Variants in TUBA1C observed in about 807,000 individuals in gnomAD.
The protein encoded by TUBA1C is tubulin alpha-1C chain.
TUBA1C carries 16 observed loss-of-function variants against 34.9 expected under a neutral mutation model. That is an observed-to-expected ratio of 0.46 (90% confidence interval 0.31 to 0.70). The LOEUF is 0.70. Among genes scored for constraint, TUBA1C ranks in the 30% least tolerant of loss-of-function variants. The pLI is 0.05. For missense variants in TUBA1C, 329 were observed against 587.3 expected, an observed-to-expected ratio of 0.56 and a Z score of 4.55; for synonymous variants, 177 against 215.9, an observed-to-expected ratio of 0.82 and a Z score of 1.58.
intron 1 of TUBA1C, among the ~76,000 whole-genome samples, chr12:49,238,060 G>C (rs1337027392): frequency 6.7e-6 from 1 of 150,316 alleles, no homozygotes; most frequent in Non-Finnish European, 1.5e-5. Flanking sequence ...AGTGAGCCAA[G>C]ATTGTTCCAC....
intron 1 of TUBA1C, among the ~76,000 whole-genome samples, chr12:49,228,630 G>C (rs530766252): frequency 4.6e-5 from 7 of 152,082 alleles, no homozygotes; most frequent in Non-Finnish European, 8.8e-5. Flanking sequence ...AATTACAAGA[G>C]GCCTGTTATC....
chr12:49,242,447 T>C (rs1336222083), intron 1 of TUBA1C, among the ~76,000 whole-genome samples: 2 of 152,108 alleles, frequency 1.3e-5, no homozygotes, highest in African/African-American at 4.8e-5. Context: ...TTTTGTTTTT[T>C]TGTTTTGTGT....
chr12:49,254,993 C>T (rs1942769109), intron 1 of TUBA1C, among the ~76,000 whole-genome samples: 1 of 151,854 alleles, frequency 6.6e-6, no homozygotes, highest in Admixed American at 6.6e-5. Context: ...CTGTGTTGCC[C>T]AGGGTGGTCT....
chr12:49,258,826 G>A (rs1000253064), intron 1 of TUBA1C, among the ~76,000 whole-genome samples: 5 of 150,958 alleles, frequency 3.3e-5, no homozygotes, highest in Non-Finnish European at 4.4e-5. Context: ...GCACACTCTC[G>A]GCTCACTGCA....
At chr12:49,250,797 G>A (rs1169086293) in intron 1 of TUBA1C, among the ~76,000 whole-genome samples, 3 of 151,894 alleles carry the variant, frequency 2.0e-5, no homozygotes, top group Non-Finnish European at 2.9e-5. Context: ...CAGTACATTA[G>A]GCAATTTAAT....
chr12:49,266,057 G>C (rs1463166032), intron 1 of TUBA1C, among the ~76,000 whole-genome samples: 1 of 149,246 alleles, frequency 6.7e-6, no homozygotes, highest in Non-Finnish European at 1.5e-5. Flanking sequence ...TTGAACCCAG[G>C]AGGCGTAGGT....
chr12:49,241,230 A>C (rs1942611751), intron 1 of TUBA1C, among the ~76,000 whole-genome samples: 1 of 152,076 alleles, frequency 6.6e-6, no homozygotes, highest in Non-Finnish European at 1.5e-5. Context: ...TACCATATAT[A>C]ATATGATTTA....
intron 1 of TUBA1C, among the ~76,000 whole-genome samples, chr12:49,266,899 A>G (rs1015245515): frequency 6.6e-6 from 1 of 152,224 alleles, no homozygotes; most frequent in Non-Finnish European, 1.5e-5. Context: ...TCGCACTGTA[A>G]CAACTTATTG....
At chr12:49,230,990 T>C (rs1399052103) in intron 1 of TUBA1C, among the ~76,000 whole-genome samples, 1 of 152,202 alleles carries the variant, frequency 6.6e-6, no homozygotes, top group Non-Finnish European at 1.5e-5. Flanking sequence ...CTTAGTATCG[T>C]TTCTGGTATA....
At chr12:49,265,963 AAAAAAAAAAC>A (rs1186915001) in intron 1 of TUBA1C, among the ~76,000 whole-genome samples, 10 of 141,552 alleles carry the variant, frequency 7.1e-5, no homozygotes, top group Admixed American at 3.5e-4. Context: ...ACTTTAAAAA[AAAAAAAAAAC>A]AAAAAAAAAC....
At chr12:49,239,566 A>G (rs10047588) in intron 1 of TUBA1C, among the ~76,000 whole-genome samples, 2,521 of 151,748 alleles carry the variant, frequency 0.017, 75 homozygotes, top group African/African-American at 0.058. Context: ...ACTTGAACCC[A>G]TGAGGTGGAG....
Position 49,265,144 on chromosome 12 carries a change from G to T in TUBA1C, c.-38G>T. On this transcript the variant is annotated 5_prime_UTR_variant, in exon 1 of 4. Transcript: ENST00000301072. ...GGGAGATCCTTGTTGCCGTCCCTTCGCCTCCTTCACCGCCGCAGACCCCTT... is the reference window on the plus strand; with the variant it reads ...GGGAGATCCTTGTTGCCGTCCCTTCTCCTCCTTCACCGCCGCAGACCCCTT... The T allele has an allele frequency of 6.3e-7, 1 of 1,595,748 alleles. No individual in the cohort carries two copies. Among genetic ancestry groups the T allele is most frequent in the East Asian group, 2.2e-5 (1 of 44,464 alleles).
intron 1 of TUBA1C, chr12:49,256,315 A>C (rs907190604): frequency 1.5e-5 from 6 of 398,134 alleles, no homozygotes; most frequent in Admixed American, 1.4e-4. Flanking sequence ...TTTCGTGCAG[A>C]GTAAAGAGAA....
At chr12:49,242,138 C>G (rs899698178) in intron 1 of TUBA1C, among the ~76,000 whole-genome samples, 1 of 151,574 alleles carries the variant, frequency 6.6e-6, no homozygotes, top group Non-Finnish European at 1.5e-5. Context: ...TACAGGTGCC[C>G]GCCACCACAC....
rs187663409 is a variant in TUBA1C at position 49,272,325 on chromosome 12, A to G, written c.448A>G (p.Thr150Ala). The G allele has an allele frequency of 6.2e-7, 1 of 1,613,994 alleles. No homozygotes were observed. Among genetic ancestry groups the G allele is most frequent in the East Asian group, 2.2e-5 (1 of 44,884 alleles). The change falls in exon 4 of 4, where the codon ACC (threonine) becomes GCC (alanine). Residue 150 changes from threonine to alanine, a missense_variant. Physicochemically the swap from Thr to Ala is moderately conservative, Grantham distance 58. Transcript: ENST00000301072. ...SFGGGTGSGFTSLLMERLSVD... is the reference protein window; with the variant it reads ...SFGGGTGSGFASLLMERLSVD... ...TGGTGGGGGAACTGGTTCTGGGTTC[A>G]CCTCGCTGCTCATGGAACGTCTCTC... is the stretch of plus-strand genomic sequence containing the variant.
At chr12:49,243,218 G>A (rs1942635505) in intron 1 of TUBA1C, among the ~76,000 whole-genome samples, 1 of 152,148 alleles carries the variant, frequency 6.6e-6, no homozygotes, top group Admixed American at 6.6e-5. Flanking sequence ...GGACAAGGTG[G>A]GCGGATCACC....
intron 1 of TUBA1C, among the ~76,000 whole-genome samples, chr12:49,237,068 T>A (rs887504424): frequency 1.3e-5 from 2 of 152,096 alleles, no homozygotes; most frequent in Non-Finnish European, 2.9e-5. Context: ...ATGTTAACTT[T>A]CTATATGGGT....
chr12:49,260,767 T>C (rs933101039), upstream of TUBA1C, among the ~76,000 whole-genome samples: 1 of 152,112 alleles, frequency 6.6e-6, no homozygotes, highest in African/African-American at 2.4e-5. Context: ...GGGTCTGTTT[T>C]CCCCCCAGGC....
chr12:49,257,717 T>C (rs1484608129), intron 1 of TUBA1C, among the ~76,000 whole-genome samples: 4 of 151,888 alleles, frequency 2.6e-5, no homozygotes, highest in Non-Finnish European at 1.5e-5. Context: ...AAGTTGAGGC[T>C]GCAGTGAGTC....
Sources: gnomAD v4.1 joint callset for allele counts (sites outside exome capture counted in the v4.1 genomes callset) on GRCh38, gnomAD v4.1.1 for gene constraint, MANE v1.5 for transcripts, NCBI Gene and HGNC (gene_info 2026-07-23, HGNC 2026-07-21) for gene names.